BPHL: variants seen among roughly 807,000 people sequenced by gnomAD.
BPHL encodes the protein serine hydrolase BPHL.
BPHL carries 27 observed loss-of-function variants against 31.2 expected under a neutral mutation model. That is an observed-to-expected ratio of 0.87 (90% CI 0.64 to 1.19). The LOEUF (loss-of-function observed/expected upper bound fraction) is 1.19. BPHL is among the 50% of genes most tolerant of loss of function. The pLI, the probability that BPHL is intolerant of heterozygous loss-of-function variation, is 0.00. For synonymous variants in BPHL, 150 were observed against 146.8 expected (o/e 1.02, Z -0.16); for missense variants, 356 against 375.7 (o/e 0.95, Z 0.43).
intron 6 of BPHL, among the ~76,000 whole-genome samples, chr6:3,142,308 G>A (rs184961924): frequency 1.5e-4 from 23 of 151,996 alleles, no homozygotes; most frequent in African/African-American, 4.8e-4. Flanking sequence ...TAGTAGAGAC[G>A]GGGTTTCACT....
At chr6:3,124,000 C>G (rs1007663691) in intron 2 of BPHL, 1 of 259,004 alleles carries the variant, frequency 3.9e-6, no homozygotes, top group Non-Finnish European at 7.4e-6. Flanking sequence ...TCTGTGAAAT[C>G]ACAGTTGCCC....
At chr6:3,121,721 A>G (rs958758154) in intron 1 of BPHL, among the ~76,000 whole-genome samples, 7 of 152,310 alleles carry the variant, frequency 4.6e-5, no homozygotes, top group Middle Eastern at 3.4e-3. Flanking sequence ...TGGTGGCTTC[A>G]TTGATGCCCC....
intron 3 of BPHL, 29 bp from the exon 4 acceptor site, chr6:3,129,016 G>T: frequency 6.2e-7 from 1 of 1,614,164 alleles, no homozygotes; most frequent in Non-Finnish European, 8.5e-7. Flanking sequence ...GCAATAACCC[G>T]TGCCGTGCAT....
chr6:3,122,482 G>T (rs1402596127), intron 1 of BPHL, among the ~76,000 whole-genome samples: 8 of 152,172 alleles, frequency 5.3e-5, no homozygotes, highest in Non-Finnish European at 2.9e-5. Flanking sequence ...GGCCGTCTGT[G>T]TGCCCCACTG....
chr6:3,133,560 A>G (rs1487023646), intron 4 of BPHL, among the ~76,000 whole-genome samples: 6 of 146,580 alleles, frequency 4.1e-5, no homozygotes, highest in African/African-American at 1.5e-4. Flanking sequence ...CCTCCCAACC[A>G]CCAGTGTCCA....
intron 1 of BPHL, among the ~76,000 whole-genome samples, chr6:3,123,220 A>G (rs183545806): frequency 4.6e-5 from 7 of 152,254 alleles, no homozygotes; most frequent in African/African-American, 1.4e-4. Flanking sequence ...AATCGAAATA[A>G]CCCAAGGAGA....
chr6:3,144,833 T>C (rs1762281867), intron 6 of BPHL, among the ~76,000 whole-genome samples: 1 of 152,038 alleles, frequency 6.6e-6, no homozygotes, highest in Admixed American at 6.6e-5. Flanking sequence ...GAGCAAGAGG[T>C]GCACAGAGGG....
chr6:3,127,131 A>T, intron 2 of BPHL, 111 bp from the exon 3 acceptor site: 1 of 708,804 alleles, frequency 1.4e-6, no homozygotes, highest in Non-Finnish European at 2.2e-6. Flanking sequence ...CATTCTGACC[A>T]CTTTGAGTAG....
In BPHL at chr6:3,119,189, C is replaced by T. The variant is rs988084681; in HGVS notation, c.107+342C>T. On this transcript the variant is annotated intron_variant, in intron 1 of 6. Transcript: ENST00000380379. ...GTATGGACTCACCCGTGACGGAGCA[C>T]GGACTAGAATCCCAACGCCCTCATT... 4.3e-6 allele frequency: 5 copies of T among 1,171,222 alleles called. No homozygotes were observed. The African/African-American group carries it at 6.1e-5, about 14-fold the overall frequency. 72.6% of individuals were successfully genotyped at this position (1,171,222 alleles called of 1,614,324 possible). A position where few individuals can be genotyped will look rare whatever the true frequency, so the allele number is the denominator to read the frequency against.
intron 4 of BPHL, among the ~76,000 whole-genome samples, chr6:3,134,655 C>T (rs558342326): frequency 2.9e-4 from 43 of 145,848 alleles, no homozygotes; most frequent in Non-Finnish European, 5.5e-4. Context: ...ACCCAGGCTG[C>T]GCAGTGGCGT....
At chr6:3,141,343 C>T (rs560816775) in intron 6 of BPHL, among the ~76,000 whole-genome samples, 17 of 152,050 alleles carry the variant, frequency 1.1e-4, no homozygotes, top group East Asian at 5.8e-4. Flanking sequence ...GATTATACTG[C>T]GGGTGGACAA....
At chr6:3,119,355 C>T (rs760176809) in intron 1 of BPHL, 6 of 1,565,230 alleles carry the variant, frequency 3.8e-6, no homozygotes, top group Middle Eastern at 3.3e-4. Context: ...CTTCTCTTTG[C>T]TTGCTGATCT....
chr6:3,145,999 CG>C (rs1762336367), intron 6 of BPHL, among the ~76,000 whole-genome samples: 2 of 14,958 alleles, frequency 1.3e-4, no homozygotes, highest in African/African-American at 2.8e-4. Context: ...AGTGCTGGTT[CG>C]GGGTGGAGTG....
chr6:3,132,425 T>G (rs1338283323), intron 4 of BPHL, among the ~76,000 whole-genome samples: 2 of 152,140 alleles, frequency 1.3e-5, no homozygotes, highest in Non-Finnish European at 2.9e-5. Flanking sequence ...GGCGTCACCC[T>G]CAGTGCTCTG....
chr6:3,118,784 T>C lies in BPHL; in HGVS notation c.44T>C (p.Leu15Pro). The C allele has an allele frequency of 8.0e-7, 1 of 1,251,950 alleles. No individual in the cohort carries two copies. Among genetic ancestry groups the C allele is most frequent in the South Asian group, 3.7e-5 (1 of 27,088 alleles). The allele number at this position is 1,251,950 out of a possible 1,614,324, so 77.6% of individuals were successfully genotyped here. ...GGCCGGGGCGTGTTGCGCCTGCGGC[T>C]GCTTCTCTCAGCGCTGAAGCCCGGG... Reference protein sequence around the residue: ...LGGRGVLRLRLLLSALKPGIH... With the variant: ...LGGRGVLRLRPLLSALKPGIH... Residue 15 changes from leucine (L) to proline (P), a missense_variant, in exon 1 of 7, where the codon CTG becomes CCG. Transcript: ENST00000380379.
intron 1 of BPHL, among the ~76,000 whole-genome samples, chr6:3,121,186 A>G (rs1041808828): frequency 1.1e-4 from 17 of 152,206 alleles, no homozygotes; most frequent in Admixed American, 8.5e-4. Flanking sequence ...GATTCATGCA[A>G]ATTTCAAGCC....
intron 2 of BPHL, among the ~76,000 whole-genome samples, chr6:3,124,818 A>G (rs1418696492): frequency 6.6e-6 from 1 of 152,184 alleles, no homozygotes; most frequent in Admixed American, 6.5e-5. Context: ...TCTTTCTAAA[A>G]GTGAAGTGCT....
chr6:3,142,446 T>C (rs1762206310), intron 6 of BPHL, among the ~76,000 whole-genome samples: 1 of 152,222 alleles, frequency 6.6e-6, no homozygotes. Context: ...ATCTCAGTTT[T>C]TGTGCTTTTG....
chr6:3,125,657 C>T (rs1236251492), intron 2 of BPHL, among the ~76,000 whole-genome samples: 1 of 152,098 alleles, frequency 6.6e-6, no homozygotes, highest in Non-Finnish European at 1.5e-5. Flanking sequence ...AGGGTACTTC[C>T]GTGGCCAGAA....
Sources: gnomAD v4.1 joint callset for allele counts (sites outside exome capture counted in the v4.1 genomes callset) on GRCh38, gnomAD v4.1.1 for gene constraint, MANE v1.5 for transcripts, NCBI Gene and HGNC (gene_info 2026-07-23, HGNC 2026-07-21) for gene names.